Variants in GLUD1 observed in about 807,000 individuals in gnomAD.
The protein encoded by GLUD1 is glutamate dehydrogenase 1.
GLUD1 carries 22 observed loss-of-function variants against 56.0 expected under a neutral mutation model. The ratio of observed to expected loss-of-function variants is 0.39; its 90% CI spans 0.28 to 0.56. GLUD1 has a LOEUF of 0.56. Ranked by LOEUF, GLUD1 falls within the 20% of genes least tolerant of loss-of-function variation. The pLI is 0.58. For synonymous variants in GLUD1, 223 were observed against 269.9 expected, an observed-to-expected ratio of 0.83 and a Z score of 1.70; for missense variants, 451 against 732.0, an observed-to-expected ratio of 0.62 and a Z score of 4.43.
intron 1 of GLUD1, among the ~76,000 whole-genome samples, chr10:87,090,679 T>C (rs1723255603): frequency 6.6e-6 from 1 of 152,158 alleles, no homozygotes; most frequent in Non-Finnish European, 1.5e-5. Context: ...AAATTACCTA[T>C]CCTCTGACTG....
At chr10:87,090,987 C>T (rs1045487469) in intron 1 of GLUD1, among the ~76,000 whole-genome samples, 4 of 152,090 alleles carry the variant, frequency 2.6e-5, no homozygotes. Flanking sequence ...GCATTGACTC[C>T]GGTCTTCCCT....
At chr10:87,078,318 A>G (rs981994475) in intron 1 of GLUD1, among the ~76,000 whole-genome samples, 21 of 152,180 alleles carry the variant, frequency 1.4e-4, no homozygotes, top group African/African-American at 4.3e-4. Flanking sequence ...CATTTCATTC[A>G]GGTCTCTGTT....
intron 4 of GLUD1, among the ~76,000 whole-genome samples, chr10:87,068,654 A>T (rs1430684019): frequency 6.6e-6 from 1 of 152,202 alleles, no homozygotes; most frequent in Non-Finnish European, 1.5e-5. Flanking sequence ...ATATTGCTAA[A>T]GCAATTGTGT....
intron 1 of GLUD1, among the ~76,000 whole-genome samples, chr10:87,076,882 T>C (rs1846410562): frequency 6.6e-6 from 1 of 152,174 alleles, no homozygotes; most frequent in Admixed American, 6.5e-5. Flanking sequence ...ACAGTAACTA[T>C]GATTTCACAA....
intron 12 of GLUD1, 145 bp from the exon 13 acceptor site, chr10:87,052,015 G>T: frequency 1.1e-6 from 1 of 902,546 alleles, no homozygotes; most frequent in Non-Finnish European, 1.8e-6. Flanking sequence ...AACTACTCTA[G>T]CAGCAGAACC....
chr10:87,066,738 C>G (rs1846086445), intron 5 of GLUD1, among the ~76,000 whole-genome samples: 1 of 152,210 alleles, frequency 6.6e-6, no homozygotes, highest in African/African-American at 2.4e-5. Context: ...CAATTTATCC[C>G]AATTGTAGTG....
At chr10:87,076,986 A>G (rs1846413274) in intron 1 of GLUD1, among the ~76,000 whole-genome samples, 1 of 148,648 alleles carries the variant, frequency 6.7e-6, no homozygotes, top group African/African-American at 2.4e-5. Flanking sequence ...GGTTGCAGGG[A>G]GTTCAAGAAT....
chr10:87,050,333 A>C lies in GLUD1; in HGVS notation c.*1418T>G, dbSNP rs1845598854. 6.6e-6 allele frequency among the ~76,000 whole-genome samples: 1 copy of C among 152,018 alleles called. No homozygotes were observed. Among genetic ancestry groups the C allele is most frequent in the Non-Finnish European group, 1.5e-5 (1 of 68,002 alleles). ...AAAGCACCGAACAAAAAAAAAAAAA[A>C]CAATTCAAGAATAAAATCTGGGCAG... is the stretch of plus-strand genomic sequence containing the variant. On this transcript the variant is annotated 3_prime_UTR_variant, in exon 13 of 13. Coordinates refer to ENST00000277865, the MANE Select transcript of GLUD1 (RefSeq NM_005271.5).
intron 5 of GLUD1, among the ~76,000 whole-genome samples, chr10:87,066,188 G>C (rs1846070462): frequency 6.6e-6 from 1 of 152,118 alleles, no homozygotes; most frequent in South Asian, 2.1e-4. Context: ...TTTTCAAGCT[G>C]TCTTCTTTCT....
intron 12 of GLUD1, 60 bp downstream of exon 12, chr10:87,053,282 G>C: frequency 9.4e-7 from 1 of 1,068,492 alleles, no homozygotes; most frequent in Non-Finnish European, 1.5e-6. Flanking sequence ...GGCTGAGATA[G>C]CATGGTTGAG....
intron 4 of GLUD1, among the ~76,000 whole-genome samples, chr10:87,070,620 A>G (rs1198171088): frequency 6.6e-6 from 1 of 152,082 alleles, no homozygotes; most frequent in Non-Finnish European, 1.5e-5. Flanking sequence ...ACAAAAAACA[A>G]TTCCAATTGG....
At chr10:87,056,985 G>T (rs577050577) in intron 11 of GLUD1, among the ~76,000 whole-genome samples, 1 of 147,568 alleles carries the variant, frequency 6.8e-6, no homozygotes, top group South Asian at 2.1e-4. Context: ...TTTTTTTGGC[G>T]GGGGGAGGGG....
At chr10:87,077,690 T>G (rs1428613603) in intron 1 of GLUD1, among the ~76,000 whole-genome samples, 1 of 151,942 alleles carries the variant, frequency 6.6e-6, no homozygotes, top group East Asian at 1.9e-4. Flanking sequence ...AATCCACCTT[T>G]CTTTCTCTAT....
In GLUD1 at chr10:87,068,852, G is replaced by T. The variant is rs144393116; in HGVS notation, c.647-695C>A. Among the ~76,000 whole-genome samples the T allele has an allele frequency of 4.3e-3, 654 of 151,878 alleles. 5 individuals are homozygous for T. Among genetic ancestry groups the T allele is most frequent in the African/African-American group, 0.014 (597 of 41,380 alleles). On this transcript the variant is annotated intron_variant, in intron 4 of 12. Transcript: ENST00000277865. ...GACTATACTACTACTGACGGCTACA[G>T]TAAGATCTCTGATAAAAACATGTTA...
In GLUD1 at chr10:87,068,170, AG is replaced by A. The variant is rs1252657775; in HGVS notation, c.647-14del. The A allele has an allele frequency of 6.4e-7, 1 of 1,550,522 alleles. No individual in the cohort carries two copies. Among genetic ancestry groups the A allele is most frequent in the Non-Finnish European group, 8.9e-7 (1 of 1,122,090 alleles). On this transcript the variant is annotated splice_polypyrimidine_tract_variant and intron_variant, in intron 4 of 12. Transcript: ENST00000277865. ...TCAATGCCAGGACCTGCGGGGGCACAGGGAAAGAGGAGTGCACCAGTTTTTA... is the reference window on the plus strand; with the variant it reads ...TCAATGCCAGGACCTGCGGGGGCACAGGAAAGAGGAGTGCACCAGTTTTTA...
At chr10:87,070,258 G>GT (rs1334389934) in intron 4 of GLUD1, among the ~76,000 whole-genome samples, 3 of 151,614 alleles carry the variant, frequency 2.0e-5, no homozygotes, top group Non-Finnish European at 4.4e-5. Context: ...TTTGAGACAA[G>GT]CCTGGGCAAC....
chr10:87,067,767 C>T lies in GLUD1; in HGVS notation c.741+296G>A, dbSNP rs74150434. 2.7e-3 allele frequency: 1,006 copies of T among 376,056 alleles called. 9 individuals are homozygous for T. The highest frequency in any genetic ancestry group is 0.019 in the African/African-American group (936 of 48,256). The allele number at this position is 376,056 out of a possible 1,614,324, so 23.3% of individuals were successfully genotyped here. On this transcript the variant is annotated intron_variant, in intron 5 of 12. Transcript: ENST00000277865. ...CCTTAGTTCCTCTTTAAATGGAAGC[C>T]CTCTGAGGGAAAAATCAGAATTGGA...
chr10:87,059,721 C>A (rs751277008), intron 9 of GLUD1, among the ~76,000 whole-genome samples: 2 of 152,160 alleles, frequency 1.3e-5, no homozygotes, highest in Non-Finnish European at 2.9e-5. Context: ...AAATATATTC[C>A]AAGCCCACAT....
At chr10:87,059,843 T>A (rs1845881899) in intron 9 of GLUD1, among the ~76,000 whole-genome samples, 2 of 152,216 alleles carry the variant, frequency 1.3e-5, no homozygotes, top group African/African-American at 4.8e-5. Flanking sequence ...TTGAAATGCA[T>A]AAGGTTAGGA....
Sources: gnomAD v4.1 joint callset for allele counts (sites outside exome capture counted in the v4.1 genomes callset) on GRCh38, gnomAD v4.1.1 for gene constraint, MANE v1.5 for transcripts, NCBI Gene and HGNC (gene_info 2026-07-23, HGNC 2026-07-21) for gene names.